ANKRD16: variants seen among roughly 807,000 people sequenced by gnomAD.
The protein encoded by ANKRD16 is ankyrin repeat domain-containing protein 16.
In ANKRD16, 35 loss-of-function variants were observed where a neutral mutation model predicts 37.9. The observed-to-expected ratio is 0.92, with a 90% confidence interval of 0.71 to 1.23. The LOEUF is 1.23. Among genes scored for constraint, ANKRD16 ranks in the 50% most tolerant of loss-of-function variants. ANKRD16 has a pLI of 0.00. For missense variants in ANKRD16, 480 were observed against 469.9 expected (o/e 1.02, Z -0.20); for synonymous variants, 206 against 197.2 (o/e 1.04, Z -0.37).
intron 7 of ANKRD16, among the ~76,000 whole-genome samples, chr10:5,875,346 A>G (rs1842167162): frequency 6.6e-6 from 1 of 152,230 alleles, no homozygotes; most frequent in African/African-American, 2.4e-5. Flanking sequence ...TAATAATTTT[A>G]AATTTAAATG....
In ANKRD16 at chr10:5,882,795, CT is replaced by C. The variant is rs987539427; in HGVS notation, c.849+210del. On this transcript the variant is annotated intron_variant, in intron 5 of 7. Coordinates refer to ENST00000380094, the MANE Select transcript of ANKRD16 (RefSeq NM_019046.3). ...GGGAGGCACTTTATGGAGTAAAAGG[CT>C]TTTTTTTAAAGTTTTGTCTAGCAAC... 1.4e-4 allele frequency: 67 copies of C among 472,502 alleles called. 1 individual carries two copies. In the East Asian group the frequency reaches 2.0e-3, roughly 14 times the overall value. 29.3% of individuals were successfully genotyped at this position (472,502 alleles called of 1,614,324 possible).
chr10:5,881,461 T>A lies in ANKRD16; in HGVS notation c.850-1085A>T, dbSNP rs533404975. ...ATTTATATATATATATATATATATA[T>A]ATATATATATATATATATATTTGAG... is the stretch of plus-strand genomic sequence containing the variant. On this transcript the variant is annotated intron_variant, in intron 5 of 7. Coordinates refer to ENST00000380094, the MANE Select transcript of ANKRD16 (RefSeq NM_019046.3). Among the ~76,000 whole-genome samples the A allele has an allele frequency of 3.9e-3, 512 of 130,344 alleles. 18 individuals are homozygous for A. The highest frequency in any genetic ancestry group is 0.013 in the African/African-American group (476 of 35,392). 85.5% of individuals were successfully genotyped at this position (130,344 alleles called of 152,430 possible).
At chr10:5,879,574 G>T (rs1707228) in intron 6 of ANKRD16, among the ~76,000 whole-genome samples, 134,272 of 152,204 alleles carry the variant, frequency 0.88, 59,315 homozygotes, top group African/African-American at 0.91. Context: ...GCTCTCAGCA[G>T]ATGTTTCTGA....
intron 5 of ANKRD16, among the ~76,000 whole-genome samples, chr10:5,881,438 T>TTATAAATATATATATATA (rs1422263395): frequency 0.029 from 1,484 of 50,742 alleles, 175 homozygotes; most frequent in East Asian, 0.072. Context: ...AAAATATTAT[T>TTATAAATATATATATATA]TATATATATA....
In ANKRD16 at chr10:5,863,129, C is replaced by A. The variant is rs931566528; in HGVS notation, c.*34-438G>T. Among the ~76,000 whole-genome samples the A allele has an allele frequency of 4.6e-5, 7 of 152,166 alleles. No individual in the cohort carries two copies. Among genetic ancestry groups the A allele is most frequent in the African/African-American group, 1.7e-4 (7 of 41,488 alleles). On this transcript the variant is annotated intron_variant, in intron 7 of 7. Transcript: ENST00000380094. This position sits in a 1 kb window ranked among gnomAD's most constrained non-coding sequence, Gnocchi z 4.7. ...GGCTTTCAACACGAGGCCTCCCCAA[C>A]GCAGTGTCCACACCAGCATTACTGT...
At chr10:5,882,892 T>C (rs1842341033) in intron 5 of ANKRD16, 114 bp downstream of exon 5, 5 of 1,142,480 alleles carry the variant, frequency 4.4e-6, no homozygotes, top group African/African-American at 1.6e-5. Flanking sequence ...AAGAATATCA[T>C]GGGCAATTTC....
rs745343107 is a variant in ANKRD16 at position 5,889,319 on chromosome 10, C to G, written c.36G>C (p.Arg12Ser). ...CGCGCAGCCGGCCCTCCTGCACCAG[C>G]CTGCAGAGGCGCCGCGGGTCCCCGG... Reference protein sequence around the residue: ...AQPGDPRRLCRLVQEGRLRAL... With the variant: ...AQPGDPRRLCSLVQEGRLRAL... Residue 12 changes from arginine (R) to serine (S), a missense_variant, in exon 1 of 8, where the codon AGG (arginine) becomes AGC (serine). Transcript: ENST00000380094. The G allele has an allele frequency of 1.6e-6, 2 of 1,274,774 alleles. No homozygotes were observed. The highest frequency in any genetic ancestry group is 2.0e-6 in the Non-Finnish European group (2 of 1,014,004). 79.0% of individuals were successfully genotyped at this position (1,274,774 alleles called of 1,614,324 possible). A position where few individuals can be genotyped will look rare whatever the true frequency, so the allele number is the denominator to read the frequency against.
rs1439263260 is a variant in ANKRD16, at chr10:5,878,812, C to A, written c.929-525G>T. On this transcript the variant is annotated intron_variant, in intron 6 of 7. Transcript: ENST00000380094. The surrounding 1 kb of genome is among the most constrained non-coding windows in gnomAD (Gnocchi z 5.1). ...AAAAAAAAAAAAAAAGAAAAAGAAA[C>A]TTATCTAAAGCAAGAAGCAACAGAG... 1.3e-5 allele frequency among the ~76,000 whole-genome samples: 2 copies of A among 149,946 alleles called. No individual in the cohort carries two copies. Among genetic ancestry groups the A allele is most frequent in the Non-Finnish European group, 3.0e-5 (2 of 67,546 alleles).
intron 1 of ANKRD16, among the ~76,000 whole-genome samples, chr10:5,888,687 G>T (rs1489502607): frequency 6.6e-6 from 1 of 152,254 alleles, no homozygotes; most frequent in African/African-American, 2.4e-5. Context: ...CATTGGTGCA[G>T]AAGTAACTTA....
rs1841947868 is a variant in ANKRD16, at chr10:5,861,914, TTTTTG to T, written c.*806_*810del. On this transcript the variant is annotated 3_prime_UTR_variant, in exon 8 of 8. Coordinates refer to ENST00000380094, the MANE Select transcript of ANKRD16 (RefSeq NM_019046.3). The stretch of plus-strand genomic sequence containing the variant: ...CAGGAATTCTTTTTTTTTTTTTTTT[TTTTTG>T]GAGACGGAGTCTTGCTCTGTTGCCC... 1 of 130,078 alleles carries T rather than the reference TTTTTG, an allele frequency of 7.7e-6. No individual in the cohort carries two copies. Among genetic ancestry groups the T allele is most frequent in the African/African-American group, 2.8e-5 (1 of 35,112 alleles). 8.1% of individuals were successfully genotyped at this position (130,078 alleles called of 1,614,324 possible).
chr10:5,879,201 C>G (rs951755225), intron 6 of ANKRD16, among the ~76,000 whole-genome samples: 1 of 152,008 alleles, frequency 6.6e-6, no homozygotes, highest in African/African-American at 2.4e-5. Flanking sequence ...AGGCCAGGCG[C>G]GGTGGCTCAT....
chr10:5,883,167 C>T lies in ANKRD16; in HGVS notation c.688G>A (p.Ala230Thr), dbSNP rs753344934. 1 of 1,613,394 alleles carries T rather than the reference C, an allele frequency of 6.2e-7. No homozygotes were observed. Among genetic ancestry groups the T allele is most frequent in the Non-Finnish European group, 8.5e-7 (1 of 1,179,900 alleles). ...AGGCTGTCTTCTGCTGAAAGGCAAGCCTAGTGGGCAGAGGAGAGAAAGGAG... is the reference window on the plus strand; with the variant it reads ...AGGCTGTCTTCTGCTGAAAGGCAAGTCTAGTGGGCAGAGGAGAGAAAGGAG... ...VARLLLDEHGACLSAEDSLGA... is the reference protein window; with the variant it reads ...VARLLLDEHGTCLSAEDSLGA... Residue 230 changes from alanine to threonine, a missense_variant and splice_region_variant, in exon 5 of 8, where the codon GCT (alanine) becomes ACT (threonine). Transcript: ENST00000380094.
Position 5,881,126 on chromosome 10 carries a change from G to A in ANKRD16, c.850-750C>T, listed in dbSNP as rs753289143. ...ATTTTCATATCTAAAGTAAGATATT[G>A]TATCATTCTCAATTCTAATATAAAT... On this transcript the variant is annotated intron_variant, in intron 5 of 7. Coordinates refer to ENST00000380094, the MANE Select transcript of ANKRD16 (RefSeq NM_019046.3). The A allele has an allele frequency of 1.7e-5, 15 of 904,492 alleles. No homozygotes were observed. In the South Asian group the frequency reaches 2.6e-4, roughly 15 times the overall value. The allele number at this position is 904,492 out of a possible 1,614,324, so 56.0% of individuals were successfully genotyped here.
intron 7 of ANKRD16, among the ~76,000 whole-genome samples, chr10:5,875,535 C>T (rs1414356093): frequency 6.6e-6 from 1 of 152,050 alleles, no homozygotes; most frequent in Non-Finnish European, 1.5e-5. Flanking sequence ...CCTGGGCAGG[C>T]CTCGCTGAGA....
intron 4 of ANKRD16, 70 bp downstream of exon 4, chr10:5,883,899 G>A (rs1282449393): frequency 1.5e-6 from 2 of 1,355,770 alleles, no homozygotes; most frequent in Non-Finnish European, 1.0e-6. Flanking sequence ...GTAACAATGT[G>A]CTCTGCTTAA....
chr10:5,889,369 C>T lies in ANKRD16; in HGVS notation c.-15G>A, dbSNP rs1842550151. 1.7e-6 allele frequency: 2 copies of T among 1,204,848 alleles called. No individual in the cohort carries two copies. Among genetic ancestry groups the T allele is most frequent in the Non-Finnish European group, 2.1e-6 (2 of 972,616 alleles). The allele number at this position is 1,204,848 out of a possible 1,614,324, so 74.6% of individuals were successfully genotyped here. A position where few individuals can be genotyped will look rare whatever the true frequency, so the allele number is the denominator to read the frequency against. ...GGCTGGGCCATCGCCGCGGGTCGGG[C>T]CGGGCTGCGCGGGGAGGCGGCGGGC... On this transcript the variant is annotated 5_prime_UTR_variant, in exon 1 of 8. Coordinates refer to ENST00000380094, the MANE Select transcript of ANKRD16 (RefSeq NM_019046.3).
rs373561171 is a variant in ANKRD16 at position 5,874,900 on chromosome 10, T to C, written c.*33+3197A>G. Among the ~76,000 whole-genome samples, 24 of 151,432 alleles carry C rather than the reference T, an allele frequency of 1.6e-4. No homozygotes were observed. Among genetic ancestry groups the C allele is most frequent in the African/African-American group, 5.8e-4 (24 of 41,230 alleles). On this transcript the variant is annotated intron_variant, in intron 7 of 7. Coordinates refer to ENST00000380094, the MANE Select transcript of ANKRD16 (RefSeq NM_019046.3). This position sits in a 1 kb window ranked among gnomAD's most constrained non-coding sequence, Gnocchi z 4.7. ...ACGGAGGGCCAGCCTGACAGAGGAGTGCAGAGGCAGAGAAGGAAAAGGCAG... is the reference window on the plus strand; with the variant it reads ...ACGGAGGGCCAGCCTGACAGAGGAGCGCAGAGGCAGAGAAGGAAAAGGCAG...
chr10:5,872,838 G>C (rs1268352254), intron 7 of ANKRD16, among the ~76,000 whole-genome samples: 1 of 151,124 alleles, frequency 6.6e-6, no homozygotes, highest in Non-Finnish European at 1.5e-5. Context: ...TTACAGGCGT[G>C]AGCCACCGCG....
chr10:5,861,870 T>TGATCTGTGTTCTAGAAGGA lies in ANKRD16; in HGVS notation c.*854_*855insTCCTTCTAGAACACAGATC, dbSNP rs1564411579. On this transcript the variant is annotated 3_prime_UTR_variant, in exon 8 of 8. Coordinates refer to ENST00000380094, the MANE Select transcript of ANKRD16 (RefSeq NM_019046.3). ...TCTGTGATACTATCAACATGGCAGC[T>TGATCTGTGTTCTAGAAGGA]CACAGACTGGGCAGGCCCCAGGAAT... 1.3e-5 allele frequency: 2 copies of TGATCTGTGTTCTAGAAGGA among 151,378 alleles called. No homozygotes were observed. Among genetic ancestry groups the TGATCTGTGTTCTAGAAGGA allele is most frequent in the African/African-American group, 4.9e-5 (2 of 41,152 alleles). The allele number at this position is 151,378 out of a possible 1,614,324, so 9.4% of individuals were successfully genotyped here. A position where few individuals can be genotyped will look rare whatever the true frequency, so the allele number is the denominator to read the frequency against.
Sources: allele counts gnomAD v4.1 joint callset (sites outside exome capture counted in the v4.1 genomes callset), GRCh38; gene constraint gnomAD v4.1.1; non-coding constraint Gnocchi (gnomAD v3.1); transcripts MANE v1.5; gene names NCBI Gene and HGNC (gene_info 2026-07-23, HGNC 2026-07-21).